The following MAPKAP1 variants were observed in gnomAD, a reference collection of about 807,000 sequenced individuals.
The protein encoded by MAPKAP1 is target of rapamycin complex 2 subunit MAPKAP1.
In MAPKAP1, 20 loss-of-function variants were observed where a neutral mutation model predicts 65.7. The observed-to-expected ratio is 0.30, with a 90% CI of 0.21 to 0.44. MAPKAP1 has a LOEUF of 0.44. Among genes scored for constraint, MAPKAP1 ranks in the 20% least tolerant of loss-of-function variants. The pLI is 1.00. For missense variants in MAPKAP1, 423 were observed against 648.0 expected, an observed-to-expected ratio of 0.65 and a Z score of 3.77; for synonymous variants, 222 against 244.3, an observed-to-expected ratio of 0.91 and a Z score of 0.85.
chr9:125,541,206 A>C (rs1184401020), intron 7 of MAPKAP1, among the ~76,000 whole-genome samples: 1 of 152,244 alleles, frequency 6.6e-6, no homozygotes, highest in Admixed American at 6.5e-5. Flanking sequence ...GTGTACACAA[A>C]GGTGAACATA....
At chr9:125,662,773 AATT>A (rs1434411907) in intron 3 of MAPKAP1, among the ~76,000 whole-genome samples, 2 of 151,910 alleles carry the variant, frequency 1.3e-5, no homozygotes, top group Non-Finnish European at 2.9e-5. Flanking sequence ...TCTTTATAAT[AATT>A]AACATAAATA....
At chr9:125,636,297 T>C (rs1054739891) in intron 4 of MAPKAP1, among the ~76,000 whole-genome samples, 10 of 151,852 alleles carry the variant, frequency 6.6e-5, no homozygotes, top group African/African-American at 2.4e-4. Flanking sequence ...GACATATTAA[T>C]ATACAGAAGA....
chr9:125,502,757 G>A (rs1326226684), intron 8 of MAPKAP1, among the ~76,000 whole-genome samples: 1 of 152,160 alleles, frequency 6.6e-6, no homozygotes, highest in Non-Finnish European at 1.5e-5. Flanking sequence ...CGTATCTGCA[G>A]TTGTAGGGTA....
At chr9:125,501,930 C>T (rs868055709) in intron 8 of MAPKAP1, among the ~76,000 whole-genome samples, 6 of 152,002 alleles carry the variant, frequency 3.9e-5, no homozygotes, top group South Asian at 4.2e-4. Context: ...GGAAGTGTAT[C>T]GATTTTGTTG....
chr9:125,690,069 C>T (rs1835121670), intron 1 of MAPKAP1, among the ~76,000 whole-genome samples: 1 of 152,164 alleles, frequency 6.6e-6, no homozygotes, highest in Non-Finnish European at 1.5e-5. Context: ...GCCTGGGCTA[C>T]AAGAGCAAAA....
At chr9:125,603,687 T>C (rs1016280251) in intron 4 of MAPKAP1, among the ~76,000 whole-genome samples, 1 of 152,246 alleles carries the variant, frequency 6.6e-6, no homozygotes, top group Non-Finnish European at 1.5e-5. Flanking sequence ...TTTTATCTTA[T>C]TAAAATAGAT....
chr9:125,577,666 GTCC>G (rs1831477997), intron 5 of MAPKAP1, among the ~76,000 whole-genome samples: 1 of 2,276 alleles, frequency 4.4e-4, no homozygotes, highest in African/African-American at 1.5e-3. Flanking sequence ...GGAGGTGGGG[GTCC>G]GGGAGGGAGG....
At chr9:125,487,629 A>AC (rs975889547) in intron 8 of MAPKAP1, among the ~76,000 whole-genome samples, 7 of 151,746 alleles carry the variant, frequency 4.6e-5, no homozygotes, top group African/African-American at 1.5e-4. Context: ...AAAAAAAAAA[A>AC]AAAACCCACA....
At chr9:125,706,648 T>C (rs547614310) in intron 1 of MAPKAP1, among the ~76,000 whole-genome samples, 6 of 151,970 alleles carry the variant, frequency 3.9e-5, no homozygotes, top group African/African-American at 9.7e-5. Context: ...CTTGAAAACC[T>C]TGATTTTCAC....
intron 4 of MAPKAP1, among the ~76,000 whole-genome samples, chr9:125,648,359 A>G (rs1833791059): frequency 6.6e-6 from 1 of 152,182 alleles, no homozygotes; most frequent in Admixed American, 6.5e-5. Flanking sequence ...TAGTTTTCCC[A>G]TCTGTACCCC....
At chr9:125,496,322 T>G (rs1261507886) in intron 8 of MAPKAP1, among the ~76,000 whole-genome samples, 1 of 152,208 alleles carries the variant, frequency 6.6e-6, no homozygotes, top group Non-Finnish European at 1.5e-5. Context: ...ATCCTCACCC[T>G]ACAGAAAATT....
intron 10 of MAPKAP1, among the ~76,000 whole-genome samples, chr9:125,459,854 G>GGGGAGGGGGAGAGGGAGA (rs1853408144): frequency 7.9e-6 from 1 of 127,356 alleles, no homozygotes; most frequent in Non-Finnish European, 1.7e-5. Context: ...GGGAGACCGT[G>GGGGAGGGGGAGAGGGAGA]GGGAGAGGGA....
intron 10 of MAPKAP1, among the ~76,000 whole-genome samples, chr9:125,453,227 T>C (rs1853027355): frequency 2.0e-5 from 3 of 152,232 alleles, no homozygotes; most frequent in Non-Finnish European, 2.9e-5. Context: ...TGGCTAATTT[T>C]TGTATTTTTA....
At chr9:125,490,426 C>T (rs1854659097) in intron 8 of MAPKAP1, among the ~76,000 whole-genome samples, 1 of 152,088 alleles carries the variant, frequency 6.6e-6, no homozygotes, top group African/African-American at 2.4e-5. Context: ...GTAATCTTAG[C>T]TACTTGGGAG....
At chr9:125,522,519 C>T (rs1829649311) in intron 7 of MAPKAP1, among the ~76,000 whole-genome samples, 3 of 152,186 alleles carry the variant, frequency 2.0e-5, no homozygotes, top group Non-Finnish European at 1.5e-5. Flanking sequence ...ACTTCTTAGC[C>T]TTCCCCCTTG....
intron 4 of MAPKAP1, among the ~76,000 whole-genome samples, chr9:125,615,538 C>CAAAAAAA (rs58426049): frequency 1.8e-5 from 2 of 110,758 alleles, no homozygotes; most frequent in Admixed American, 9.2e-5. Flanking sequence ...ACTAAAAATA[C>CAAAAAAA]AAAAAAAAAA....
chr9:125,648,508 C>T (rs1196706873), intron 4 of MAPKAP1, among the ~76,000 whole-genome samples: 1 of 152,194 alleles, frequency 6.6e-6, no homozygotes, highest in African/African-American at 2.4e-5. Flanking sequence ...TGAGAGATTA[C>T]TTGTCCTACA....
chr9:125,518,917 G>C (rs1829540799), intron 7 of MAPKAP1, among the ~76,000 whole-genome samples: 1 of 152,134 alleles, frequency 6.6e-6, no homozygotes. Context: ...GGTAGAGGAA[G>C]GTATACCAGC....
At chr9:125,703,765 G>A (rs369514365) in intron 1 of MAPKAP1, among the ~76,000 whole-genome samples, 26 of 125,360 alleles carry the variant, frequency 2.1e-4, no homozygotes, top group East Asian at 1.5e-3. Flanking sequence ...GAGCAAGACT[G>A]TCTCAAAAAA....
Sources: gnomAD v4.1 joint callset for allele counts (sites outside exome capture counted in the v4.1 genomes callset) on GRCh38, gnomAD v4.1.1 for gene constraint, MANE v1.5 for transcripts, NCBI Gene and HGNC (gene_info 2026-07-23, HGNC 2026-07-21) for gene names.